SCAPER: variants seen among roughly 807,000 people sequenced by gnomAD.
SCAPER encodes the protein S-phase cyclin A associated protein in the ER, also known as S phase cyclin A-associated protein in the endoplasmic reticulum.
SCAPER carries 98 observed loss-of-function variants against 182.2 expected under a neutral mutation model. That is an observed-to-expected ratio of 0.54 (90% CI 0.46 to 0.64). The LOEUF (loss-of-function observed/expected upper bound fraction) is 0.64, where lower values mean the gene tolerates loss of function less well. Among genes scored for constraint, SCAPER ranks in the 30% least tolerant of loss-of-function variants. SCAPER has a pLI of 0.00. For missense variants in SCAPER, 1,432 were observed against 1,690.0 expected (o/e 0.85, Z 2.68); for synonymous variants, 605 against 564.6 (o/e 1.07, Z -1.01).
intron 25 of SCAPER, among the ~76,000 whole-genome samples, chr15:76,460,142 A>G (rs67888330): frequency 0.4 from 60,411 of 151,850 alleles, 14,294 homozygotes; most frequent in Middle Eastern, 0.55. Context: ...GGATTGCACT[A>G]AATCTGTAGG....
chr15:76,713,004 C>G (rs1001183066), intron 17 of SCAPER, among the ~76,000 whole-genome samples: 1 of 152,100 alleles, frequency 6.6e-6, no homozygotes, highest in Non-Finnish European at 1.5e-5. Context: ...AGAGGGCATC[C>G]CTGTCTTGTG....
At chr15:76,659,288 A>T (rs1377884931) in intron 21 of SCAPER, among the ~76,000 whole-genome samples, 3 of 150,758 alleles carry the variant, frequency 2.0e-5, no homozygotes, top group African/African-American at 7.3e-5. Flanking sequence ...TTTTTTTTTT[A>T]AAGTCAGGGT....
chr15:76,668,516 T>C (rs1053895843), intron 20 of SCAPER, among the ~76,000 whole-genome samples: 2 of 152,216 alleles, frequency 1.3e-5, no homozygotes, highest in African/African-American at 4.8e-5. Flanking sequence ...CCCACATTCA[T>C]CAGAAACTTT....
intron 26 of SCAPER, among the ~76,000 whole-genome samples, chr15:76,410,712 C>G (rs1029559668): frequency 1.3e-5 from 2 of 152,034 alleles, no homozygotes; most frequent in Non-Finnish European, 2.9e-5. Context: ...ATATCTACCC[C>G]ACTAGTAAAG....
intron 25 of SCAPER, 130 bp downstream of exon 25, chr15:76,471,082 T>C: frequency 1.4e-6 from 1 of 719,064 alleles, no homozygotes; most frequent in Non-Finnish European, 1.9e-6. Context: ...ATCTTCACTT[T>C]CTTCTTCTTC....
At chr15:76,585,935 T>G (rs886402835) in intron 22 of SCAPER, among the ~76,000 whole-genome samples, 1 of 152,198 alleles carries the variant, frequency 6.6e-6, no homozygotes, top group African/African-American at 2.4e-5. Context: ...TTATTTGGAT[T>G]CCTTCTGGCA....
chr15:76,524,219 T>C (rs915824488), intron 23 of SCAPER, among the ~76,000 whole-genome samples: 27 of 152,132 alleles, frequency 1.8e-4, no homozygotes, highest in African/African-American at 6.0e-4. Flanking sequence ...GAACCAGCCA[T>C]GCACGCAACA....
At chr15:76,495,599 A>AG (rs2040421511) in intron 24 of SCAPER, among the ~76,000 whole-genome samples, 1 of 150,696 alleles carries the variant, frequency 6.6e-6, no homozygotes, top group African/African-American at 2.4e-5. Context: ...AAAAAAAAAA[A>AG]AAGAGAGAGA....
At chr15:76,517,733 C>A (rs376338628) in intron 23 of SCAPER, among the ~76,000 whole-genome samples, 1 of 152,056 alleles carries the variant, frequency 6.6e-6, no homozygotes, top group Admixed American at 6.6e-5. Context: ...TAACCTACAG[C>A]CTTTATTTTG....
intron 27 of SCAPER, among the ~76,000 whole-genome samples, chr15:76,396,288 A>G (rs2044047042): frequency 6.6e-6 from 1 of 152,086 alleles, no homozygotes; most frequent in South Asian, 2.1e-4. Flanking sequence ...TTCCCTTAGG[A>G]TAGCTTTGGC....
At chr15:76,705,110 G>A (rs958711488) in intron 18 of SCAPER, among the ~76,000 whole-genome samples, 63 of 152,002 alleles carry the variant, frequency 4.1e-4, no homozygotes, top group African/African-American at 1.4e-3. Context: ...TGTTTATTGC[G>A]GCACTATTCA....
chr15:76,506,262 T>C (rs1454866526), intron 23 of SCAPER, among the ~76,000 whole-genome samples: 1 of 152,180 alleles, frequency 6.6e-6, no homozygotes, highest in East Asian at 1.9e-4. Context: ...AAGAATATAG[T>C]TGGATTGTTT....
chr15:76,375,644 TAGCTCTAAGAGG>T (rs1404603101), intron 29 of SCAPER, among the ~76,000 whole-genome samples: 1 of 152,224 alleles, frequency 6.6e-6, no homozygotes, highest in Non-Finnish European at 1.5e-5. Context: ...TTTATTTTTA[TAGCTCTAAGAGG>T]AGGCCCTAGG....
At chr15:76,710,897 A>C (rs909157606) in intron 17 of SCAPER, among the ~76,000 whole-genome samples, 1 of 152,174 alleles carries the variant, frequency 6.6e-6, no homozygotes, top group Non-Finnish European at 1.5e-5. Flanking sequence ...ATAGATATCA[A>C]TATAACAGAA....
Position 76,625,112 on chromosome 15 carries a change from C to T in SCAPER, c.2646-3283G>A, listed in dbSNP as rs534995178. 3.3e-5 allele frequency among the ~76,000 whole-genome samples: 5 copies of T among 152,230 alleles called. No individual in the cohort carries two copies. In the South Asian group the frequency reaches 1.0e-3, roughly 32 times the overall value. The stretch of plus-strand genomic sequence containing the variant: ...TGGACTGGGCTGGGCAGTCCCCAGG[C>T]CCCTGGGCAACATGCTTGGTTACTG... On this transcript the variant is annotated intron_variant, in intron 21 of 31. Coordinates refer to ENST00000563290, the MANE Select transcript of SCAPER (RefSeq NM_020843.4).
At chr15:76,794,588 A>C (rs2065203981) in intron 8 of SCAPER, among the ~76,000 whole-genome samples, 1 of 152,238 alleles carries the variant, frequency 6.6e-6, no homozygotes, top group Non-Finnish European at 1.5e-5. Context: ...TCTGAACCGA[A>C]AAGTTCCAAT....
chr15:76,411,966 C>T (rs1417556197), intron 26 of SCAPER, among the ~76,000 whole-genome samples: 1 of 152,080 alleles, frequency 6.6e-6, no homozygotes, highest in Non-Finnish European at 1.5e-5. Flanking sequence ...ATAAATCTTT[C>T]CCCCATTCCA....
chr15:76,574,289 A>G lies in SCAPER; in HGVS notation c.2712-5T>C, dbSNP rs2047662796. 1 of 1,609,920 alleles carries G rather than the reference A, an allele frequency of 6.2e-7. No homozygotes were observed. On this transcript the variant is annotated splice_polypyrimidine_tract_variant and splice_region_variant and intron_variant, in intron 22 of 31. Coordinates refer to ENST00000563290, the MANE Select transcript of SCAPER (RefSeq NM_020843.4). The stretch of plus-strand genomic sequence containing the variant: ...TCTTTGGCTAATCGCTGAAGCCTTT[A>G]ATACCAAATGAAAGGAAAGAATGAC...
At chr15:76,415,033 T>C (rs1040022861) in intron 26 of SCAPER, among the ~76,000 whole-genome samples, 1 of 152,168 alleles carries the variant, frequency 6.6e-6, no homozygotes, top group African/African-American at 2.4e-5. Context: ...ATACAATGAC[T>C]GACAAACAAT....
Sources: allele counts gnomAD v4.1 joint callset (sites outside exome capture counted in the v4.1 genomes callset), GRCh38; gene constraint gnomAD v4.1.1; transcripts MANE v1.5; gene names NCBI Gene and HGNC (gene_info 2026-07-23, HGNC 2026-07-21).